PTPN4: variants seen among roughly 807,000 people sequenced by gnomAD.
The protein encoded by PTPN4 is protein tyrosine phosphatase non-receptor type 4, also known as tyrosine-protein phosphatase non-receptor type 4.
In PTPN4, 49 loss-of-function variants were observed where a neutral mutation model predicts 135.5. That is an observed-to-expected ratio of 0.36 (90% CI 0.29 to 0.46). The LOEUF (loss-of-function observed/expected upper bound fraction) is 0.46, where lower values mean the gene tolerates loss of function less well. Among genes scored for constraint, PTPN4 ranks in the 20% least tolerant of loss-of-function variants. PTPN4 has a pLI of 1.00. For missense variants in PTPN4, 860 were observed against 1,101.0 expected, an observed-to-expected ratio of 0.78 and a Z score of 3.10; for synonymous variants, 333 against 369.9, an observed-to-expected ratio of 0.90 and a Z score of 1.14.
chr2:119,861,582 A>G (rs1275297020), intron 2 of PTPN4, among the ~76,000 whole-genome samples: 7 of 152,192 alleles, frequency 4.6e-5, no homozygotes, highest in Admixed American at 3.9e-4. Context: ...TGCTTTCCCA[A>G]CAGATATCTT....
At chr2:119,929,795 A>G (rs532955486) in intron 13 of PTPN4, among the ~76,000 whole-genome samples, 1 of 152,164 alleles carries the variant, frequency 6.6e-6, no homozygotes, top group Non-Finnish European at 1.5e-5. Context: ...TGTTTAGTCC[A>G]TTAACAGCAA....
chr2:119,929,426 T>C (rs988909490), intron 13 of PTPN4, among the ~76,000 whole-genome samples: 17 of 152,262 alleles, frequency 1.1e-4, no homozygotes, highest in Middle Eastern at 6.8e-3. Flanking sequence ...AATAATTTTT[T>C]AGCAATCATT....
chr2:119,944,146 A>G (rs750603659), intron 15 of PTPN4, among the ~76,000 whole-genome samples: 65 of 152,336 alleles, frequency 4.3e-4, no homozygotes, highest in Non-Finnish European at 7.9e-4. Flanking sequence ...ATCAGCAGCC[A>G]TGTGGCTTGA....
At chr2:119,946,316 A>G (rs751984093) in intron 16 of PTPN4, 25 bp from the exon 17 acceptor site, 29 of 1,504,984 alleles carry the variant, frequency 1.9e-5, no homozygotes, top group Non-Finnish European at 2.6e-5. Flanking sequence ...GAAAATTACA[A>G]GTTATTTAAT....
At chr2:119,837,419 T>C (rs1677312180) in intron 2 of PTPN4, among the ~76,000 whole-genome samples, 1 of 151,914 alleles carries the variant, frequency 6.6e-6, no homozygotes, top group Non-Finnish European at 1.5e-5. Context: ...AGCTGGACAC[T>C]TGTCTGGACG....
intron 22 of PTPN4, among the ~76,000 whole-genome samples, chr2:119,959,318 G>A (rs982480514): frequency 1.3e-4 from 20 of 151,640 alleles, no homozygotes; most frequent in African/African-American, 4.6e-4. Flanking sequence ...TGAAAAATAC[G>A]TGCAGTTTAC....
In PTPN4 at chr2:119,926,619, A is replaced by T. The variant is rs1454073620; in HGVS notation, c.1023A>T (p.Ser341=). The change falls in exon 13 of 27, where the codon TCA becomes TCT. Residue 341 remains serine, a synonymous_variant. Transcript: ENST00000263708. ...FRYCGRTEVQ[S]VQYGKEKANK... ...TCAGTGGGAGAACTGAAGTCCAATC[A>T]GTTCAGTATGGCAAAGAAAAGGCAA... 1 of 1,600,794 alleles carries T rather than the reference A, an allele frequency of 6.2e-7. No individual in the cohort carries two copies. Among genetic ancestry groups the T allele is most frequent in the Non-Finnish European group, 8.5e-7 (1 of 1,171,916 alleles).
intron 2 of PTPN4, among the ~76,000 whole-genome samples, chr2:119,841,270 C>T (rs934130864): frequency 2.0e-5 from 3 of 152,162 alleles, no homozygotes; most frequent in Admixed American, 6.5e-5. Context: ...CTTGTGCTTA[C>T]ACATTACTGT....
At chr2:119,965,868 C>T (rs948457298) in intron 25 of PTPN4, among the ~76,000 whole-genome samples, 1 of 152,104 alleles carries the variant, frequency 6.6e-6, no homozygotes, top group African/African-American at 2.4e-5. Context: ...CTTAGATGCT[C>T]CTCCTTTTCA....
intron 26 of PTPN4, among the ~76,000 whole-genome samples, chr2:119,969,676 A>C (rs1482675633): frequency 6.8e-6 from 1 of 146,434 alleles, no homozygotes; most frequent in Non-Finnish European, 1.5e-5. Flanking sequence ...CTGCTGCCTC[A>C]GCCTCCTGAG....
At chr2:119,829,892 G>C (rs565333918) in intron 2 of PTPN4, among the ~76,000 whole-genome samples, 1 of 152,248 alleles carries the variant, frequency 6.6e-6, no homozygotes, top group South Asian at 2.1e-4. Flanking sequence ...AAACTGCCAA[G>C]CTGTTTTACA....
At chr2:119,790,261 T>G (rs1206209938) in intron 1 of PTPN4, among the ~76,000 whole-genome samples, 1 of 152,194 alleles carries the variant, frequency 6.6e-6, no homozygotes, top group Non-Finnish European at 1.5e-5. Context: ...ATGTTCTGTT[T>G]ATTTTTCTGC....
intron 20 of PTPN4, among the ~76,000 whole-genome samples, chr2:119,955,685 C>T (rs1042053487): frequency 6.6e-6 from 1 of 152,082 alleles, no homozygotes; most frequent in African/African-American, 2.4e-5. Context: ...CGCCTGTAAT[C>T]CCAGCACTTT....
intron 14 of PTPN4, 86 bp from the exon 15 acceptor site, chr2:119,934,714 C>T (rs558150572): frequency 4.5e-6 from 6 of 1,336,442 alleles, no homozygotes; most frequent in Non-Finnish European, 6.3e-6. Flanking sequence ...ACACATACCC[C>T]CTTTCTGATG....
At chr2:119,777,087 T>C (rs1406744746) in intron 1 of PTPN4, among the ~76,000 whole-genome samples, 1 of 152,256 alleles carries the variant, frequency 6.6e-6, no homozygotes, top group Non-Finnish European at 1.5e-5. Context: ...TGGACCTGGC[T>C]GTCTCTCTGA....
chr2:119,979,335 G>C lies in PTPN4; in HGVS notation c.*2265G>C, dbSNP rs1679660399. 6.6e-6 allele frequency: 1 copy of C among 152,080 alleles called. No homozygotes were observed. Among genetic ancestry groups the C allele is most frequent in the Non-Finnish European group, 1.5e-5 (1 of 67,956 alleles). The allele number at this position is 152,080 out of a possible 1,614,324, so 9.4% of individuals were successfully genotyped here. A position where few individuals can be genotyped will look rare whatever the true frequency, so the allele number is the denominator to read the frequency against. ...TTTAGGGCCTTGTTTATACTTGTGA[G>C]TTTAATAATTTCTTGGCAATGAGCA... On this transcript the variant is annotated 3_prime_UTR_variant, in exon 27 of 27. Coordinates refer to ENST00000263708, the MANE Select transcript of PTPN4 (RefSeq NM_002830.4).
intron 18 of PTPN4, among the ~76,000 whole-genome samples, chr2:119,947,843 ACT>A (rs1466673519): frequency 1.3e-5 from 2 of 151,822 alleles, no homozygotes; most frequent in East Asian, 3.9e-4. Context: ...GTAACTACCT[ACT>A]GCTATTGTGA....
At chr2:119,812,479 A>G (rs536071904) in intron 2 of PTPN4, among the ~76,000 whole-genome samples, 3 of 152,184 alleles carry the variant, frequency 2.0e-5, no homozygotes, top group Admixed American at 6.5e-5. Context: ...TTATCTCATC[A>G]AAGCCGTTTC....
chr2:119,961,121 CACAT>C (rs1341116402), intron 23 of PTPN4, among the ~76,000 whole-genome samples, 168 bp downstream of exon 23: 2 of 152,156 alleles, frequency 1.3e-5, no homozygotes. Flanking sequence ...CTGTGACTAA[CACAT>C]AAATAAATGT....
Sources: gnomAD v4.1 joint callset for allele counts (sites outside exome capture counted in the v4.1 genomes callset) on GRCh38, gnomAD v4.1.1 for gene constraint, MANE v1.5 for transcripts, NCBI Gene and HGNC (gene_info 2026-07-23, HGNC 2026-07-21) for gene names.